Variants in PPM1L observed in about 807,000 individuals in gnomAD.
PPM1L encodes the protein protein phosphatase 1L.
A neutral mutation model predicts 31.4 loss-of-function variants in PPM1L; 13 were observed. The ratio of observed to expected loss-of-function variants is 0.41; its 90% CI spans 0.27 to 0.66. The LOEUF (loss-of-function observed/expected upper bound fraction) is 0.66, where lower values mean the gene tolerates loss of function less well. Ranked by LOEUF, PPM1L falls within the 30% of genes least tolerant of loss-of-function variation. The pLI, the probability that PPM1L is intolerant of heterozygous loss-of-function variation, is 0.29. For synonymous variants in PPM1L, 184 were observed against 175.4 expected, an observed-to-expected ratio of 1.05 and a Z score of -0.39; for missense variants, 326 against 453.7, an observed-to-expected ratio of 0.72 and a Z score of 2.56.
chr3:160,969,781 A>G (rs1038554720), intron 2 of PPM1L, among the ~76,000 whole-genome samples: 13 of 152,242 alleles, frequency 8.5e-5, no homozygotes, highest in African/African-American at 3.1e-4. Context: ...GGGAAGTTCA[A>G]TATTGACTGT....
At position 160,864,006 on chromosome 3, in the gene PPM1L, C is replaced by G. The variant is rs988715673; in HGVS notation, c.400-97730C>G. Reference sequence around the variant, plus strand: ...GTAAAGAAGCTGATTTTAGCAGTGCCTGAAAGACTCTTGACAAAACACCTC... The same window carrying G: ...GTAAAGAAGCTGATTTTAGCAGTGCGTGAAAGACTCTTGACAAAACACCTC... On this transcript the variant is annotated intron_variant, in intron 1 of 3. Coordinates refer to ENST00000498165, the MANE Select transcript of PPM1L (RefSeq NM_139245.4). Among the ~76,000 whole-genome samples the G allele has an allele frequency of 3.3e-5, 5 of 152,116 alleles. 1 individual carries two copies. The highest frequency in any genetic ancestry group is 1.2e-4 in the African/African-American group (5 of 41,426).
At chr3:160,921,231 C>T (rs918296760) in intron 1 of PPM1L, among the ~76,000 whole-genome samples, 2 of 152,108 alleles carry the variant, frequency 1.3e-5, no homozygotes, top group Non-Finnish European at 2.9e-5. Flanking sequence ...GATGACGCTT[C>T]GGCATTAAGG....
chr3:161,033,181 G>A (rs1426936313), intron 2 of PPM1L, among the ~76,000 whole-genome samples: 1 of 152,086 alleles, frequency 6.6e-6, no homozygotes, highest in African/African-American at 2.4e-5. Flanking sequence ...ACTGCTCAAC[G>A]AAATAAGAGA....
At chr3:161,038,826 C>G (rs552467701) in intron 2 of PPM1L, among the ~76,000 whole-genome samples, 1 of 152,206 alleles carries the variant, frequency 6.6e-6, no homozygotes, top group African/African-American at 2.4e-5. Context: ...ATCTACCGGG[C>G]TGCATTCCCA....
chr3:161,012,997 T>A (rs1346791153), intron 2 of PPM1L, among the ~76,000 whole-genome samples: 1 of 152,146 alleles, frequency 6.6e-6, no homozygotes, highest in Non-Finnish European at 1.5e-5. Flanking sequence ...TTTTGAAGGG[T>A]TTTTTGTTTC....
At position 161,031,502 on chromosome 3, in the gene PPM1L, CT is replaced by C. The variant is rs760907219; in HGVS notation, c.575-33885del. 2.0e-3 allele frequency among the ~76,000 whole-genome samples: 204 copies of C among 101,646 alleles called. 2 individuals are homozygous for C. Among genetic ancestry groups the C allele is most frequent in the Non-Finnish European group, 2.0e-3 (110 of 55,404 alleles). The allele number at this position is 101,646 out of a possible 152,430, so 66.7% of individuals were successfully genotyped here. A position where few individuals can be genotyped will look rare whatever the true frequency, so the allele number is the denominator to read the frequency against. The stretch of plus-strand genomic sequence containing the variant: ...GTGAATGGCAGCTATGTATTCTGTC[CT>C]TTTTTTTTTTTTTTTGAGAGAGAGT... On this transcript the variant is annotated intron_variant, in intron 2 of 3. Transcript: ENST00000498165.
At chr3:160,786,193 A>G (rs1460603612) in intron 1 of PPM1L, among the ~76,000 whole-genome samples, 33 of 40,912 alleles carry the variant, frequency 8.1e-4, no homozygotes, top group Middle Eastern at 0.011. Context: ...GTGTGTATAT[A>G]TATATATATA....
chr3:160,774,271 C>T (rs778162725), intron 1 of PPM1L, among the ~76,000 whole-genome samples: 13 of 152,140 alleles, frequency 8.5e-5, no homozygotes, highest in Non-Finnish European at 1.3e-4. Context: ...GTGAGAATTT[C>T]TGTAATGCCT....
At chr3:160,796,987 A>G (rs1485157384) in intron 1 of PPM1L, among the ~76,000 whole-genome samples, 4 of 152,002 alleles carry the variant, frequency 2.6e-5, no homozygotes, top group Non-Finnish European at 5.9e-5. Flanking sequence ...ACTTTTACTA[A>G]TCCTCAGCAC....
rs553962205 is a variant in PPM1L, at chr3:160,764,158, A to G, written c.399+7451A>G. Among the ~76,000 whole-genome samples the G allele has an allele frequency of 5.9e-5, 9 of 152,048 alleles. No homozygotes were observed. The East Asian group carries it at 1.7e-3, about 30-fold the overall frequency. On this transcript the variant is annotated intron_variant, in intron 1 of 3. Coordinates refer to ENST00000498165, the MANE Select transcript of PPM1L (RefSeq NM_139245.4). The stretch of plus-strand genomic sequence containing the variant: ...TTTTTTAGGGGGTGGGGTGGGCAGG[A>G]TCTGGCTTTGTTGCTGAGGCTGGAT...
At chr3:161,045,831 G>T (rs1441556910) in intron 2 of PPM1L, among the ~76,000 whole-genome samples, 1 of 152,170 alleles carries the variant, frequency 6.6e-6, no homozygotes, top group South Asian at 2.1e-4. Context: ...ATCAATGAGG[G>T]CCAGGCGTGG....
chr3:160,759,038 T>C (rs1249916045), intron 1 of PPM1L, among the ~76,000 whole-genome samples: 1 of 152,182 alleles, frequency 6.6e-6, no homozygotes, highest in Non-Finnish European at 1.5e-5. Flanking sequence ...CAGTGACAAA[T>C]AATATTAGAT....
rs1720130703 is a variant in PPM1L, at chr3:161,077,227, T to G, written c.*8070T>G. 6.6e-6 allele frequency: 1 copy of G among 152,254 alleles called. No individual in the cohort carries two copies. Among genetic ancestry groups the G allele is most frequent in the African/African-American group, 2.4e-5 (1 of 41,462 alleles). The allele number at this position is 152,254 out of a possible 1,614,324, so 9.4% of individuals were successfully genotyped here. Reference sequence around the variant, plus strand: ...TTCTCACATATAAGAGTAAGTGATATGAGATTGGGAATTTCTTGCCAACAC... The same window carrying G: ...TTCTCACATATAAGAGTAAGTGATAGGAGATTGGGAATTTCTTGCCAACAC... On this transcript the variant is annotated 3_prime_UTR_variant, in exon 4 of 4. Coordinates refer to ENST00000498165, the MANE Select transcript of PPM1L (RefSeq NM_139245.4).
intron 1 of PPM1L, among the ~76,000 whole-genome samples, chr3:160,849,415 C>CT (rs1157661140): frequency 4.3e-4 from 63 of 146,624 alleles, no homozygotes; most frequent in African/African-American, 1.6e-3. Context: ...TTCTTTCTTT[C>CT]TTTCTTTTTT....
intron 1 of PPM1L, among the ~76,000 whole-genome samples, chr3:160,908,764 C>T (rs1713852233): frequency 6.6e-6 from 1 of 152,094 alleles, no homozygotes; most frequent in South Asian, 2.1e-4. Context: ...AGTAGTGTCC[C>T]ATAAATACTG....
At chr3:160,902,588 T>C (rs1355808291) in intron 1 of PPM1L, among the ~76,000 whole-genome samples, 1 of 152,218 alleles carries the variant, frequency 6.6e-6, no homozygotes, top group Non-Finnish European at 1.5e-5. Flanking sequence ...GCTGTACTTA[T>C]GTATGACACC....
At chr3:160,971,971 T>C (rs937454278) in intron 2 of PPM1L, among the ~76,000 whole-genome samples, 1 of 152,142 alleles carries the variant, frequency 6.6e-6, no homozygotes. Context: ...TCTTACTGTG[T>C]TGTCCAGGCT....
At chr3:160,997,430 C>G (rs1326833286) in intron 2 of PPM1L, among the ~76,000 whole-genome samples, 4 of 152,102 alleles carry the variant, frequency 2.6e-5, no homozygotes, top group Non-Finnish European at 5.9e-5. Flanking sequence ...AGTTTTTGAC[C>G]TTTAGTAAAA....
chr3:160,780,079 C>G (rs1209250192), intron 1 of PPM1L, among the ~76,000 whole-genome samples: 2 of 151,710 alleles, frequency 1.3e-5, no homozygotes, highest in East Asian at 3.9e-4. Context: ...GCTGTGATAA[C>G]AGTGGCATGA....
Sources: allele counts gnomAD v4.1 joint callset (sites outside exome capture counted in the v4.1 genomes callset), GRCh38; gene constraint gnomAD v4.1.1; transcripts MANE v1.5; gene names NCBI Gene and HGNC (gene_info 2026-07-23, HGNC 2026-07-21).